GLRB: variants seen among roughly 807,000 people sequenced by gnomAD.
The protein encoded by GLRB is glycine receptor subunit beta.
A neutral mutation model predicts 54.2 loss-of-function variants in GLRB; 33 were observed. The ratio of observed to expected loss-of-function variants is 0.61; its 90% CI spans 0.46 to 0.81. The LOEUF is 0.81. GLRB is among the 40% of genes least tolerant of loss of function. The probability of loss-of-function intolerance (pLI) is 0.00; values close to 1 mark genes in which losing one functional copy is unlikely to be tolerated. For synonymous variants in GLRB, 209 were observed against 208.2 expected, an observed-to-expected ratio of 1.00 and a Z score of -0.03; for missense variants, 572 against 584.6, an observed-to-expected ratio of 0.98 and a Z score of 0.22.
chr4:157,167,045 T>C (rs1336510248), intron 9 of GLRB, among the ~76,000 whole-genome samples: 1 of 152,152 alleles, frequency 6.6e-6, no homozygotes, highest in Non-Finnish European at 1.5e-5. Context: ...AAAATATGAT[T>C]TATAGCAAAT....
At chr4:157,110,323 C>CTTAAG (rs149805780) in intron 2 of GLRB, among the ~76,000 whole-genome samples, 6,171 of 151,856 alleles carry the variant, frequency 0.041, 188 homozygotes, top group East Asian at 0.1. Flanking sequence ...TTATAAGACC[C>CTTAAG]TTTTCTTCAC....
intron 4 of GLRB, among the ~76,000 whole-genome samples, chr4:157,132,836 TG>T (rs1736266104): frequency 6.6e-6 from 1 of 151,986 alleles, no homozygotes; most frequent in Admixed American, 6.6e-5. Context: ...GAATTTAATC[TG>T]GACCATAATA....
At chr4:157,087,708 T>C (rs1208763207) in intron 2 of GLRB, among the ~76,000 whole-genome samples, 1 of 151,960 alleles carries the variant, frequency 6.6e-6, no homozygotes, top group Admixed American at 6.6e-5. Context: ...AAGAGTAAGG[T>C]ATGAGGAAGG....
At chr4:157,119,336 T>C (rs1207427892) in intron 2 of GLRB, among the ~76,000 whole-genome samples, 2 of 151,708 alleles carry the variant, frequency 1.3e-5, no homozygotes, top group Non-Finnish European at 3.0e-5. Flanking sequence ...TATCATTTTA[T>C]GAACATCAGC....
chr4:157,080,632 A>ATAC (rs1734189105), intron 2 of GLRB, among the ~76,000 whole-genome samples: 1 of 152,196 alleles, frequency 6.6e-6, no homozygotes, highest in Non-Finnish European at 1.5e-5. Context: ...TATCTCAGAG[A>ATAC]ATGATCCAGT....
At chr4:157,163,192 G>A (rs1255337272) in intron 9 of GLRB, among the ~76,000 whole-genome samples, 1 of 152,152 alleles carries the variant, frequency 6.6e-6, no homozygotes, top group Non-Finnish European at 1.5e-5. Flanking sequence ...GAAAAGCACA[G>A]TATTATGGTG....
chr4:157,161,148 T>G (rs1737470930), intron 9 of GLRB, among the ~76,000 whole-genome samples: 1 of 152,208 alleles, frequency 6.6e-6, no homozygotes, highest in South Asian at 2.1e-4. Context: ...AGACTATGAT[T>G]GCAACTTCTG....
chr4:157,088,857 A>G (rs1295037445), intron 2 of GLRB, among the ~76,000 whole-genome samples: 1 of 152,090 alleles, frequency 6.6e-6, no homozygotes, highest in Non-Finnish European at 1.5e-5. Flanking sequence ...AAAAATGTAT[A>G]TAGTTTTTAT....
chr4:157,112,126 T>G (rs567673986), intron 2 of GLRB, among the ~76,000 whole-genome samples: 1 of 151,998 alleles, frequency 6.6e-6, no homozygotes, highest in South Asian at 2.1e-4. Context: ...ATTCTTCTGA[T>G]AATTAAAATC....
intron 2 of GLRB, among the ~76,000 whole-genome samples, chr4:157,099,961 T>G (rs62330457): frequency 0.16 from 24,542 of 152,222 alleles, 2,142 homozygotes; most frequent in South Asian, 0.3. Context: ...CAAAATGACT[T>G]TTCAAGTGTT....
At position 157,171,183 on chromosome 4, in the gene GLRB, A is replaced by C. The variant is rs1737909467; in HGVS notation, c.*455A>C. On this transcript the variant is annotated 3_prime_UTR_variant, in exon 10 of 10. Coordinates refer to ENST00000264428, the MANE Select transcript of GLRB (RefSeq NM_000824.5). Reference sequence around the variant, plus strand: ...AGATGGTATTATCACAGATTTAAAAAGGTTGTATTACATATTGTTTAAACT... The same window carrying C: ...AGATGGTATTATCACAGATTTAAAACGGTTGTATTACATATTGTTTAAACT... The C allele has an allele frequency of 6.5e-6, 1 of 152,814 alleles. No individual in the cohort carries two copies. Among genetic ancestry groups the C allele is most frequent in the Non-Finnish European group, 1.5e-5 (1 of 68,180 alleles). 9.5% of individuals were successfully genotyped at this position (152,814 alleles called of 1,614,324 possible).
At chr4:157,115,086 C>T (rs768457697) in intron 2 of GLRB, among the ~76,000 whole-genome samples, 5 of 151,844 alleles carry the variant, frequency 3.3e-5, no homozygotes, top group Non-Finnish European at 2.9e-5. Context: ...CTATATTTCC[C>T]CATTTATTCA....
rs1366292276 is a variant in GLRB at position 157,120,538 on chromosome 4, T to G, written c.123-18T>G. ...TGCTATTTATAACTACTTATCAGGATTTTTCTCTCTCTTATAGTCAGCAGT... is the reference window on the plus strand; with the variant it reads ...TGCTATTTATAACTACTTATCAGGAGTTTTCTCTCTCTTATAGTCAGCAGT... On this transcript the variant is annotated intron_variant, in intron 2 of 9. Coordinates refer to ENST00000264428, the MANE Select transcript of GLRB (RefSeq NM_000824.5). 1.1e-5 allele frequency: 15 copies of G among 1,382,448 alleles called. No individual in the cohort carries two copies. In the South Asian group the frequency reaches 1.6e-4, roughly 15 times the overall value. 85.6% of individuals were successfully genotyped at this position (1,382,448 alleles called of 1,614,324 possible).
At chr4:157,080,144 A>G (rs1174373184) in intron 2 of GLRB, among the ~76,000 whole-genome samples, 1 of 152,268 alleles carries the variant, frequency 6.6e-6, no homozygotes, top group East Asian at 1.9e-4. Context: ...TACGGTGTGT[A>G]TAGTTATTTA....
At chr4:157,139,956 A>G (rs969570314) in intron 7 of GLRB, among the ~76,000 whole-genome samples, 2 of 152,030 alleles carry the variant, frequency 1.3e-5, no homozygotes, top group Non-Finnish European at 2.9e-5. Flanking sequence ...AATTTAAAAC[A>G]TTCCTGTTAA....
intron 9 of GLRB, among the ~76,000 whole-genome samples, chr4:157,157,627 G>A (rs916666908): frequency 4.6e-5 from 7 of 152,100 alleles, no homozygotes; most frequent in Non-Finnish European, 1.0e-4. Context: ...TGCTCAGAAT[G>A]ATTGTTTCCA....
intron 7 of GLRB, among the ~76,000 whole-genome samples, chr4:157,140,877 T>G (rs530750475): frequency 6.6e-6 from 1 of 152,054 alleles, no homozygotes; most frequent in Admixed American, 6.5e-5. Flanking sequence ...CTAGCAATTT[T>G]ATTTGTAATT....
At chr4:157,129,567 A>G (rs925100524) in intron 4 of GLRB, among the ~76,000 whole-genome samples, 1 of 151,810 alleles carries the variant, frequency 6.6e-6, no homozygotes, top group Admixed American at 6.6e-5. Flanking sequence ...ATAGTATTAT[A>G]TGGCCTCATA....
chr4:157,160,163 C>T lies in GLRB; in HGVS notation c.1197+7153C>T, dbSNP rs183757169. ...TCTCTGATGGTAGTTTGTATTTCTG[C>T]GGGATCGGTGGTGATATACCCTTTA... On this transcript the variant is annotated intron_variant, in intron 9 of 9. Transcript: ENST00000264428. Among the ~76,000 whole-genome samples the T allele has an allele frequency of 2.3e-3, 355 of 151,988 alleles. 2 individuals are homozygous for T. The highest frequency in any genetic ancestry group is 8.3e-3 in the African/African-American group (346 of 41,464).
Sources: gnomAD v4.1 joint callset for allele counts (sites outside exome capture counted in the v4.1 genomes callset) on GRCh38, gnomAD v4.1.1 for gene constraint, MANE v1.5 for transcripts, NCBI Gene and HGNC (gene_info 2026-07-23, HGNC 2026-07-21) for gene names.